CR1L: variants seen among roughly 807,000 people sequenced by gnomAD.
The protein encoded by CR1L is complement component receptor 1-like protein.
Under a neutral mutation model 62.3 loss-of-function variants are expected in CR1L, and 59 were observed. The observed-to-expected ratio is 0.95, with a 90% CI of 0.77 to 1.18. The LOEUF (loss-of-function observed/expected upper bound fraction) is 1.18. Ranked by LOEUF, CR1L falls within the 50% of genes most tolerant of loss-of-function variation. CR1L has a pLI of 0.00. For missense variants in CR1L, 700 were observed against 702.8 expected (o/e 1.00, Z 0.04); for synonymous variants, 279 against 248.7 (o/e 1.12, Z -1.15).
chr1:207,699,516 C>T (rs17049178), intron 8 of CR1L, among the ~76,000 whole-genome samples: 2,094 of 152,226 alleles, frequency 0.014, 105 homozygotes, highest in Admixed American at 0.1. Flanking sequence ...TGGTCGTGTG[C>T]TTCTAGGTCA....
At chr1:207,697,267 A>G (rs1664112513) in intron 5 of CR1L, among the ~76,000 whole-genome samples, 1 of 152,228 alleles carries the variant, frequency 6.6e-6, no homozygotes, top group Admixed American at 6.5e-5. Flanking sequence ...TAGATGTAAA[A>G]CAATGAATTG....
At chr1:207,686,094 C>T (rs1178916000) in intron 4 of CR1L, among the ~76,000 whole-genome samples, 1 of 28,188 alleles carries the variant, frequency 3.5e-5, no homozygotes, top group Admixed American at 3.5e-4. Context: ...CTTCCTCCCT[C>T]CTTTCCTTCC....
intron 9 of CR1L, 64 bp downstream of exon 9, chr1:207,701,682 C>T (rs1390300201): frequency 6.2e-7 from 1 of 1,605,610 alleles, no homozygotes; most frequent in Non-Finnish European, 8.5e-7. Context: ...CTTCTAGCCA[C>T]ATCTCAGGAA....
chr1:207,697,781 T>C lies in CR1L; in HGVS notation c.1050T>C (p.Cys350=), dbSNP rs1216457700. 6.8e-6 allele frequency: 11 copies of C among 1,613,970 alleles called. No individual in the cohort carries two copies. Among genetic ancestry groups the C allele is most frequent in the Middle Eastern group, 1.6e-4 (1 of 6,062 alleles). ...PAAPRCEVKS[C]DDFLGQLPNG... ...TTTCTTTTTTTCCAGTGAAATCCTG[T>C]GATGACTTCCTGGGCCAACTTCCTA... The change falls in exon 7 of 12, where the codon TGT becomes TGC. Residue 350 remains cysteine (C), a synonymous_variant. Coordinates refer to ENST00000508064, the MANE Select transcript of CR1L (RefSeq NM_175710.2).
chr1:207,707,128 A>T (rs1450392349), intron 9 of CR1L, among the ~76,000 whole-genome samples: 1 of 152,220 alleles, frequency 6.6e-6, no homozygotes, highest in Non-Finnish European at 1.5e-5. Context: ...TATTAAGTTT[A>T]ATTTCCAAAT....
intron 3 of CR1L, among the ~76,000 whole-genome samples, chr1:207,679,280 C>T (rs1663758711): frequency 6.7e-6 from 1 of 150,234 alleles, no homozygotes; most frequent in African/African-American, 2.5e-5. Flanking sequence ...GCTGGGATTA[C>T]AGGCATGAGC....
Position 207,677,307 on chromosome 1 carries a change from CAAAAAAAAAAAAAA to C in CR1L, c.98-65_98-52del, listed in dbSNP as rs57151160. On this transcript the variant is annotated intron_variant, in intron 1 of 11. Coordinates refer to ENST00000508064, the MANE Select transcript of CR1L (RefSeq NM_175710.2). ...TGGGTGACAGAGGGAGACTCTGTCA[CAAAAAAAAAAAAAA>C]AAAAAAAAAAAAAAAAGTATGGTAA... 293 of 506,376 alleles carry C rather than the reference CAAAAAAAAAAAAAA, an allele frequency of 5.8e-4. 1 individual carries two copies. Among genetic ancestry groups the C allele is most frequent in the African/African-American group, 4.7e-3 (116 of 24,758 alleles). 31.4% of individuals were successfully genotyped at this position (506,376 alleles called of 1,614,324 possible).
intron 11 of CR1L, among the ~76,000 whole-genome samples, chr1:207,721,032 C>T (rs1351762594): frequency 2.0e-5 from 3 of 151,950 alleles, no homozygotes; most frequent in South Asian, 2.1e-4. Flanking sequence ...CTGCATAGTT[C>T]GATGCAACAC....
intron 1 of CR1L, among the ~76,000 whole-genome samples, chr1:207,665,558 C>T (rs1394146979): frequency 6.6e-6 from 1 of 151,888 alleles, no homozygotes; most frequent in Non-Finnish European, 1.5e-5. Flanking sequence ...CCATGCCAGG[C>T]TAATTTTTGT....
At chr1:207,655,553 A>G (rs773953708) in intron 1 of CR1L, among the ~76,000 whole-genome samples, 4 of 152,074 alleles carry the variant, frequency 2.6e-5, no homozygotes, top group Non-Finnish European at 5.9e-5. Flanking sequence ...GGTCACTGCA[A>G]CCTCAGCCTC....
At chr1:207,718,835 A>G (rs1364235288) in intron 11 of CR1L, among the ~76,000 whole-genome samples, 2 of 151,494 alleles carry the variant, frequency 1.3e-5, no homozygotes, top group African/African-American at 2.4e-5. Context: ...ATTATTCACA[A>G]TAGCAAAGAC....
At chr1:207,678,077 C>A in intron 2 of CR1L, 121 bp from the exon 3 acceptor site, 1 of 853,010 alleles carries the variant, frequency 1.2e-6, no homozygotes, top group Non-Finnish European at 1.9e-6. Flanking sequence ...GTAGCAAAAT[C>A]TGTGGAACCA....
intron 5 of CR1L, among the ~76,000 whole-genome samples, chr1:207,696,929 C>T (rs572328420): frequency 6.6e-6 from 1 of 152,302 alleles, no homozygotes; most frequent in Non-Finnish European, 1.5e-5. Flanking sequence ...GACTAGGCAG[C>T]ACCTTGCTGC....
In CR1L at chr1:207,710,252, G is replaced by A. The variant is rs925340604; in HGVS notation, c.1414+1989G>A. 1.5e-5 allele frequency: 9 copies of A among 617,418 alleles called. No homozygotes were observed. In the African/African-American group the frequency reaches 1.5e-4, roughly 10 times the overall value. The allele number at this position is 617,418 out of a possible 1,614,324, so 38.2% of individuals were successfully genotyped here. The stretch of plus-strand genomic sequence containing the variant: ...CCAGCTACTCGGGAGGTTGAGGGGG[G>A]AGGATTGCTTGACCTGGGAAGTTGA... On this transcript the variant is annotated intron_variant, in intron 10 of 11. Transcript: ENST00000508064.
At chr1:207,710,022 T>C (rs2102478705) in intron 10 of CR1L, among the ~76,000 whole-genome samples, 1 of 152,272 alleles carries the variant, frequency 6.6e-6, no homozygotes, top group African/African-American at 2.4e-5. Flanking sequence ...TCAGAAAAGC[T>C]ATTAGCATAA....
At chr1:207,671,018 TG>T (rs1663607781) in intron 1 of CR1L, among the ~76,000 whole-genome samples, 1 of 151,198 alleles carries the variant, frequency 6.6e-6, no homozygotes, top group South Asian at 2.1e-4. Flanking sequence ...AAGTAGGTGG[TG>T]GAGTTTTATG....
intron 1 of CR1L, among the ~76,000 whole-genome samples, chr1:207,664,521 T>C (rs554286134): frequency 1.2e-4 from 18 of 152,306 alleles, no homozygotes; most frequent in African/African-American, 4.3e-4. Context: ...TGGACTGATA[T>C]ATGAGCAAAA....
intron 1 of CR1L, among the ~76,000 whole-genome samples, chr1:207,663,647 G>C (rs1003375615): frequency 6.6e-6 from 1 of 152,194 alleles, no homozygotes; most frequent in Non-Finnish European, 1.5e-5. Flanking sequence ...TGCACCCACT[G>C]TCCTGCACTC....
At position 207,683,000 on chromosome 1, in the gene CR1L, C is replaced by CTT. The variant is rs1558017884; in HGVS notation, c.378-870_378-869dup. Among the ~76,000 whole-genome samples the CTT allele has an allele frequency of 4.5e-5, 6 of 132,926 alleles. No individual in the cohort carries two copies. The South Asian group carries it at 1.2e-3, about 27-fold the overall frequency. 87.2% of individuals were successfully genotyped at this position (132,926 alleles called of 152,430 possible). A position where few individuals can be genotyped will look rare whatever the true frequency, so the allele number is the denominator to read the frequency against. On this transcript the variant is annotated intron_variant, in intron 3 of 11. Coordinates refer to ENST00000508064, the MANE Select transcript of CR1L (RefSeq NM_175710.2). Reference sequence around the variant, plus strand: ...TCTTTCTTTCTTTCTTTTTTTCTTTCTTTCTTTCTTTTTCTTTCTTTCTTT... The same window carrying CTT: ...TCTTTCTTTCTTTCTTTTTTTCTTTCTTTTTCTTTCTTTTTCTTTCTTTCTTT...
Sources: allele counts gnomAD v4.1 joint callset (sites outside exome capture counted in the v4.1 genomes callset), GRCh38; gene constraint gnomAD v4.1.1; transcripts MANE v1.5; gene names NCBI Gene and HGNC (gene_info 2026-07-23, HGNC 2026-07-21).